Variants in SLFN12L observed in about 807,000 individuals in gnomAD.
SLFN12L encodes schlafen family member 12-like.
SLFN12L carries 34 observed loss-of-function variants against 34.8 expected under a neutral mutation model. The ratio of observed to expected loss-of-function variants is 0.98; its 90% CI spans 0.74 to 1.30. The LOEUF is 1.30. Ranked by LOEUF, SLFN12L falls within the 50% of genes most tolerant of loss-of-function variation. The pLI, the probability that SLFN12L is intolerant of heterozygous loss-of-function variation, is 0.00. For synonymous variants in SLFN12L, 259 were observed against 247.5 expected (o/e 1.05, Z -0.44); for missense variants, 703 against 696.2 (o/e 1.01, Z -0.11).
chr17:35,483,054 T>C (rs762619227), intron 2 of SLFN12L, among the ~76,000 whole-genome samples: 46 of 152,120 alleles, frequency 3.0e-4, no homozygotes, highest in Non-Finnish European at 6.0e-4. Flanking sequence ...AGAGTGGAAC[T>C]ACCCTCTCTG....
rs534838977 is a variant in SLFN12L, at chr17:35,465,458, A to G, written c.*9465T>C. Among the ~76,000 whole-genome samples the G allele has an allele frequency of 1.3e-5, 2 of 152,222 alleles. No homozygotes were observed. The highest frequency in any genetic ancestry group is 4.8e-5 in the African/African-American group (2 of 41,522). ...ATGTCACAATAAATAATAAATTAAA[A>G]TTAAATTTTTGGCACTCAAAAATTG... is the stretch of plus-strand genomic sequence containing the variant. On this transcript the variant is annotated 3_prime_UTR_variant, in exon 5 of 5. Transcript: ENST00000628453.
chr17:35,490,244 G>T, intron 2 of SLFN12L: 2 of 1,549,358 alleles, frequency 1.3e-6, no homozygotes, highest in Non-Finnish European at 1.8e-6. Context: ...AGGAGAAAGC[G>T]GTCATCAGTA....
At chr17:35,482,255 A>T (rs990783261) in intron 2 of SLFN12L, among the ~76,000 whole-genome samples, 2 of 152,212 alleles carry the variant, frequency 1.3e-5, no homozygotes, top group Non-Finnish European at 2.9e-5. Context: ...CTAACACCCA[A>T]CATGATGGGC....
chr17:35,489,408 C>A (rs1222241852), intron 2 of SLFN12L, among the ~76,000 whole-genome samples: 1 of 152,010 alleles, frequency 6.6e-6, no homozygotes, highest in African/African-American at 2.4e-5. Flanking sequence ...TTTAAAATAA[C>A]CGGGCGTGGT....
intron 2 of SLFN12L, among the ~76,000 whole-genome samples, chr17:35,508,431 C>T (rs890846781): frequency 7.9e-5 from 12 of 152,208 alleles, no homozygotes; most frequent in African/African-American, 2.7e-4. Context: ...ACTGCAATGT[C>T]CGCCTCCCAG....
intron 1 of SLFN12L, among the ~76,000 whole-genome samples, chr17:35,525,852 T>A (rs2072329412): frequency 6.6e-6 from 1 of 152,126 alleles, no homozygotes; most frequent in African/African-American, 2.4e-5. Flanking sequence ...AATTCACACA[T>A]AACAATATTA....
intron 2 of SLFN12L, among the ~76,000 whole-genome samples, chr17:35,512,602 G>C (rs1294209712): frequency 6.6e-6 from 1 of 152,148 alleles, no homozygotes; most frequent in Admixed American, 6.5e-5. Context: ...TCCTGACCTT[G>C]TGATCCGCCT....
intron 4 of SLFN12L, among the ~76,000 whole-genome samples, chr17:35,476,928 G>C (rs1188774286): frequency 6.6e-6 from 1 of 152,100 alleles, no homozygotes; most frequent in Non-Finnish European, 1.5e-5. Flanking sequence ...GAGAAAAACT[G>C]GATTATAGAA....
In SLFN12L at chr17:35,479,952, A is replaced by G. The variant is rs1329722766; in HGVS notation, c.330T>C (p.Tyr110=). 4 of 1,614,178 alleles carry G rather than the reference A, an allele frequency of 2.5e-6. No individual in the cohort carries two copies. In the East Asian group the frequency reaches 6.7e-5, roughly 27 times the overall value. ...GCCCTATTCCATCTTTTTTATAACT[A>G]TAGCCTTTATTCTCAACTTCAGCCT... ...VIKAEVENKG[Y]SYKKDGIGLD... The change falls in exon 3 of 5, where the codon TAT becomes TAC. Residue 110 remains tyrosine, a synonymous_variant. Transcript: ENST00000628453.
intron 2 of SLFN12L, among the ~76,000 whole-genome samples, chr17:35,484,202 C>T (rs1287629398): frequency 3.3e-5 from 5 of 152,180 alleles, no homozygotes; most frequent in Admixed American, 2.6e-4. Flanking sequence ...TCTCTATCAT[C>T]CATCCCAGAA....
chr17:35,523,867 G>T (rs544401612), intron 1 of SLFN12L, among the ~76,000 whole-genome samples: 1 of 152,082 alleles, frequency 6.6e-6, no homozygotes, highest in African/African-American at 2.4e-5. Context: ...CCCAGGAGGC[G>T]GAGGTTGCAG....
intron 2 of SLFN12L, among the ~76,000 whole-genome samples, chr17:35,502,754 T>C (rs1481006652): frequency 6.6e-6 from 1 of 152,224 alleles, no homozygotes; most frequent in Non-Finnish European, 1.5e-5. Context: ...TATAGTAACC[T>C]GTAATCTTGT....
At chr17:35,525,446 A>C (rs1468493957) in intron 1 of SLFN12L, among the ~76,000 whole-genome samples, 1 of 152,238 alleles carries the variant, frequency 6.6e-6, no homozygotes, top group Non-Finnish European at 1.5e-5. Flanking sequence ...AAAAATGTTA[A>C]GGGCAGCCAG....
Position 35,479,167 on chromosome 17 carries a change from T to C in SLFN12L, c.1115A>G (p.Lys372Arg). The change falls in exon 3 of 5, where the codon AAG (lysine) becomes AGG (arginine). Residue 372 changes from lysine to arginine, a missense_variant. Transcript: ENST00000628453. ...GATCCATTCCTTCTCGGTCAACTGC[T>C]TAACTCTGTTATCTTTCACGTGCCA... is the stretch of plus-strand genomic sequence containing the variant. Reference protein sequence around the residue: ...DSWHVKDNRVKQLTEKEWIQF... With the variant: ...DSWHVKDNRVRQLTEKEWIQF... 1 of 1,575,524 alleles carries C rather than the reference T, an allele frequency of 6.3e-7. No individual in the cohort carries two copies. The highest frequency in any genetic ancestry group is 8.6e-7 in the Non-Finnish European group (1 of 1,158,932).
At chr17:35,496,212 G>C (rs998233516) in intron 2 of SLFN12L, among the ~76,000 whole-genome samples, 2 of 151,998 alleles carry the variant, frequency 1.3e-5, no homozygotes, top group East Asian at 1.9e-4. Flanking sequence ...GTCCAGGCAC[G>C]GTGGCTCACG....
intron 2 of SLFN12L, among the ~76,000 whole-genome samples, chr17:35,503,848 C>A (rs1467686165): frequency 6.6e-6 from 1 of 150,538 alleles, no homozygotes; most frequent in Non-Finnish European, 1.5e-5. Flanking sequence ...GAGAAGGACC[C>A]TACCTTGTGC....
intron 1 of SLFN12L, among the ~76,000 whole-genome samples, chr17:35,528,639 C>G (rs1350592897): frequency 2.0e-5 from 3 of 152,146 alleles, no homozygotes; most frequent in African/African-American, 7.2e-5. Flanking sequence ...TGGCTAGCCA[C>G]ATGCAGAAAA....
At chr17:35,517,156 T>C (rs1915853697) in intron 2 of SLFN12L, among the ~76,000 whole-genome samples, 2 of 152,202 alleles carry the variant, frequency 1.3e-5, no homozygotes, top group Admixed American at 1.3e-4. Flanking sequence ...TCTTGGTTTT[T>C]GCCATTCTTC....
At chr17:35,496,691 G>C (rs1368638438) in intron 2 of SLFN12L, among the ~76,000 whole-genome samples, 2 of 152,102 alleles carry the variant, frequency 1.3e-5, no homozygotes, top group African/African-American at 4.8e-5. Flanking sequence ...GCATTTTCCT[G>C]TCCTCCCCAG....
Sources: allele counts gnomAD v4.1 joint callset (sites outside exome capture counted in the v4.1 genomes callset), GRCh38; gene constraint gnomAD v4.1.1; transcripts MANE v1.5; gene names NCBI Gene and HGNC (gene_info 2026-07-23, HGNC 2026-07-21).